The following DEFB112 variants were observed in gnomAD, a reference collection of about 807,000 sequenced individuals.
DEFB112 encodes defensin beta 112.
In DEFB112, 2 loss-of-function variants were observed where a neutral mutation model predicts 1.1. The ratio of observed to expected loss-of-function variants is 1.85; its 90% CI spans 0.76 to 5.83. The LOEUF is 5.83. Ranked by LOEUF, DEFB112 falls within the 30% of genes most tolerant of loss-of-function variation. The pLI is 0.05. For synonymous variants in DEFB112, 40 were observed against 31.2 expected, an observed-to-expected ratio of 1.28 and a Z score of -0.93; for missense variants, 120 against 94.4, an observed-to-expected ratio of 1.27 and a Z score of -1.12.
At chr6:50,044,332 G>A (rs1204795526) in intron 1 of DEFB112, among the ~76,000 whole-genome samples, 2 of 152,196 alleles carry the variant, frequency 1.3e-5, no homozygotes, top group Non-Finnish European at 2.9e-5. Flanking sequence ...TAGACACTTT[G>A]GGGTGATTAG....
rs773977541 is a variant in DEFB112 at position 50,048,669 on chromosome 6, G to A, written c.58+1143C>T. The stretch of plus-strand genomic sequence containing the variant: ...AATTTCATAAGAGTGCTAAGAGGTT[G>A]TTAAGAGCTCACTGTAAAGTGAAAA... On this transcript the variant is annotated intron_variant, in intron 1 of 1. Transcript: ENST00000651554. 44 of 1,563,790 alleles carry A rather than the reference G, an allele frequency of 2.8e-5. 1 individual carries two copies. In the South Asian group the frequency reaches 4.7e-4, roughly 17 times the overall value.
At position 50,048,624 on chromosome 6, in the gene DEFB112, G is replaced by A. The variant is rs767149002; in HGVS notation, c.58+1188C>T. The A allele has an allele frequency of 1.1e-5, 18 of 1,613,124 alleles. No homozygotes were observed. The South Asian group carries it at 2.0e-4, about 18-fold the overall frequency. On this transcript the variant is annotated intron_variant, in intron 1 of 1. Transcript: ENST00000651554. ...TTTGAGTACATTTTTTCAAGTTTCA[G>A]TCTACATATGGTTGTCAATAATTTC...
At chr6:50,045,216 G>A (rs886935686) in intron 1 of DEFB112, among the ~76,000 whole-genome samples, 1 of 152,042 alleles carries the variant, frequency 6.6e-6, no homozygotes, top group Non-Finnish European at 1.5e-5. Flanking sequence ...GCATAGTTCT[G>A]TTCACAAAGC....
At chr6:50,047,314 G>A (rs888901076) in intron 1 of DEFB112, among the ~76,000 whole-genome samples, 1 of 152,144 alleles carries the variant, frequency 6.6e-6, no homozygotes, top group African/African-American at 2.4e-5. Context: ...GGGCCTGCTC[G>A]GTGCTGGGTT....
intron 1 of DEFB112, among the ~76,000 whole-genome samples, chr6:50,044,928 A>G (rs1010832679): frequency 6.6e-6 from 1 of 151,998 alleles, no homozygotes; most frequent in African/African-American, 2.4e-5. Context: ...CATTTTATAT[A>G]AAGTAGTAAT....
In DEFB112 at chr6:50,042,101, C is replaced by A. The variant is rs764682040; in HGVS notation, c.*1474G>T. The stretch of plus-strand genomic sequence containing the variant: ...TTAATAATGAATGCACACATTAATA[C>A]AATTATAGCAGCTTTATTCATAATT... On this transcript the variant is annotated 3_prime_UTR_variant, in exon 2 of 2. Coordinates refer to ENST00000651554, the MANE Select transcript of DEFB112 (RefSeq NM_001369057.2). 9.2e-5 allele frequency among the ~76,000 whole-genome samples: 14 copies of A among 151,932 alleles called. No individual in the cohort carries two copies. The highest frequency in any genetic ancestry group is 1.2e-4 in the African/African-American group (5 of 41,386).
chr6:50,043,630 A>G lies in DEFB112; in HGVS notation c.230T>C (p.Ile77Thr), dbSNP rs1173228461. Residue 77 changes from isoleucine to threonine, a missense_variant, in exon 2 of 2, where the codon ATC (isoleucine) becomes ACC (threonine). Coordinates refer to ENST00000651554, the MANE Select transcript of DEFB112 (RefSeq NM_001369057.2). The stretch of plus-strand genomic sequence containing the variant: ...TTGAGTCCCTACTGAGTCCTTTGGG[A>G]TCCAATTATTTGGGTCCGTAGGGTC... ...ECDPTDPNNW[I>T]PKDSVGTQEW... 10 of 1,613,336 alleles carry G rather than the reference A, an allele frequency of 6.2e-6. No individual in the cohort carries two copies. In the Admixed American group the frequency reaches 1.3e-4, roughly 22 times the overall value.
At chr6:50,048,702 T>C in intron 1 of DEFB112, 1 of 1,355,492 alleles carries the variant, frequency 7.4e-7, no homozygotes, top group Non-Finnish European at 1.0e-6. Context: ...AAAAATTACT[T>C]TAAAAGTAGG....
At chr6:50,045,470 A>G (rs1044445538) in intron 1 of DEFB112, among the ~76,000 whole-genome samples, 1 of 152,048 alleles carries the variant, frequency 6.6e-6, no homozygotes, top group Non-Finnish European at 1.5e-5. Flanking sequence ...GTATACCTCA[A>G]TTATGCATTT....
At chr6:50,044,265 A>T (rs1375267405) in intron 1 of DEFB112, among the ~76,000 whole-genome samples, 1 of 152,048 alleles carries the variant, frequency 6.6e-6, no homozygotes, top group Admixed American at 6.6e-5. Flanking sequence ...TAAATATCTC[A>T]TCTCCTCTTG....
chr6:50,045,950 C>T (rs599634), intron 1 of DEFB112, among the ~76,000 whole-genome samples: 44,959 of 151,852 alleles, frequency 0.3, 9,907 homozygotes, highest in African/African-American at 0.62. Flanking sequence ...TACAATATTA[C>T]AAATAGTCAT....
chr6:50,046,990 T>C (rs536620609), intron 1 of DEFB112, among the ~76,000 whole-genome samples: 1 of 152,324 alleles, frequency 6.6e-6, no homozygotes, highest in East Asian at 1.9e-4. Context: ...CTGATGACTA[T>C]GGCTGTGGAG....
chr6:50,042,439 C>T lies in DEFB112; in HGVS notation c.*1136G>A, dbSNP rs1462990598. 6.6e-6 allele frequency among the ~76,000 whole-genome samples: 1 copy of T among 151,982 alleles called. No homozygotes were observed. Among genetic ancestry groups the T allele is most frequent in the Non-Finnish European group, 1.5e-5 (1 of 67,928 alleles). On this transcript the variant is annotated 3_prime_UTR_variant, in exon 2 of 2. Coordinates refer to ENST00000651554, the MANE Select transcript of DEFB112 (RefSeq NM_001369057.2). ...AAGAAACCTACCAGGTACAAGTAGC[C>T]TCAACTTAAATACCTTGTTACCACA...
chr6:50,048,895 A>G (rs1008905378), intron 1 of DEFB112, among the ~76,000 whole-genome samples: 10 of 152,134 alleles, frequency 6.6e-5, no homozygotes, highest in African/African-American at 2.4e-4. Context: ...AGGAAAAATA[A>G]ATTAATACAG....
chr6:50,048,608 A>G (rs759287245), intron 1 of DEFB112: 4 of 1,613,580 alleles, frequency 2.5e-6, no homozygotes, highest in Admixed American at 1.7e-5. Context: ...CTTTGAGTAC[A>G]TTTTTTCAAG....
At chr6:50,046,838 G>T (rs1370105769) in intron 1 of DEFB112, among the ~76,000 whole-genome samples, 1 of 152,142 alleles carries the variant, frequency 6.6e-6, no homozygotes, top group Admixed American at 6.5e-5. Flanking sequence ...CAAGAGGGAA[G>T]AACCTTTAAA....
At chr6:50,046,085 C>T (rs538966457) in intron 1 of DEFB112, among the ~76,000 whole-genome samples, 1 of 152,122 alleles carries the variant, frequency 6.6e-6, no homozygotes, top group South Asian at 2.1e-4. Context: ...TGTAAGTATT[C>T]TGAGCATGTT....
At chr6:50,046,938 T>C (rs1418603047) in intron 1 of DEFB112, among the ~76,000 whole-genome samples, 1 of 152,142 alleles carries the variant, frequency 6.6e-6, no homozygotes, top group Non-Finnish European at 1.5e-5. Flanking sequence ...GGAGCCTGTA[T>C]CCACCGAGGC....
At chr6:50,044,397 G>A (rs1413176854) in intron 1 of DEFB112, among the ~76,000 whole-genome samples, 1 of 152,084 alleles carries the variant, frequency 6.6e-6, no homozygotes. Context: ...ATTTCAGCAA[G>A]GCTCATAATT....
Sources: gnomAD v4.1 joint callset for allele counts (sites outside exome capture counted in the v4.1 genomes callset) on GRCh38, gnomAD v4.1.1 for gene constraint, MANE v1.5 for transcripts, NCBI Gene and HGNC (gene_info 2026-07-23, HGNC 2026-07-21) for gene names.